OSBPL1A: variants seen among roughly 807,000 people sequenced by gnomAD.
OSBPL1A encodes the protein oxysterol binding protein like 1A, also known as oxysterol-binding protein-related protein 1.
OSBPL1A carries 80 observed loss-of-function variants against 137.1 expected under a neutral mutation model. The ratio of observed to expected loss-of-function variants is 0.58; its 90% CI spans 0.49 to 0.70. OSBPL1A has a LOEUF of 0.70. Ranked by LOEUF, OSBPL1A falls within the 30% of genes least tolerant of loss-of-function variation. The pLI, the probability that OSBPL1A is intolerant of heterozygous loss-of-function variation, is 0.00. For missense variants in OSBPL1A, 970 were observed against 1,129.4 expected (o/e 0.86, Z 2.02); for synonymous variants, 365 against 389.7 (o/e 0.94, Z 0.75).
chr18:24,263,016 C>T lies in OSBPL1A; in HGVS notation c.1281+17826G>A, dbSNP rs1331552535. On this transcript the variant is annotated intron_variant, in intron 15 of 27. Transcript: ENST00000319481. ...TGTACATTTATTCCATGATTTCCAG[C>T]TCCGCTTTTTACATGCCTTCAGCTC... Among the ~76,000 whole-genome samples, 7 of 152,236 alleles carry T rather than the reference C, an allele frequency of 4.6e-5. No homozygotes were observed. In the East Asian group the frequency reaches 1.3e-3, roughly 29 times the overall value.
At chr18:24,266,365 G>A (rs1026865199) in intron 15 of OSBPL1A, among the ~76,000 whole-genome samples, 1 of 152,190 alleles carries the variant, frequency 6.6e-6, no homozygotes, top group Non-Finnish European at 1.5e-5. Flanking sequence ...CCTCTTTGGT[G>A]TTGGGGCCAA....
In OSBPL1A at chr18:24,357,683, G is replaced by C. The variant is rs187824344; in HGVS notation, c.282+9209C>G. 4.6e-5 allele frequency: 7 copies of C among 152,202 alleles called. No individual in the cohort carries two copies. The East Asian group carries it at 7.8e-4, about 17-fold the overall frequency. The allele number at this position is 152,202 out of a possible 1,614,324, so 9.4% of individuals were successfully genotyped here. A position where few individuals can be genotyped will look rare whatever the true frequency, so the allele number is the denominator to read the frequency against. On this transcript the variant is annotated intron_variant, in intron 4 of 27. Coordinates refer to ENST00000319481, the MANE Select transcript of OSBPL1A (RefSeq NM_080597.4). ...CATGCTAACAGAACCAGGAGAAGAGGCTTCTTCTCCACGAGGCTAGGATGT... is the reference window on the plus strand; with the variant it reads ...CATGCTAACAGAACCAGGAGAAGAGCCTTCTTCTCCACGAGGCTAGGATGT...
chr18:24,390,945 C>G (rs1907310576), intron 1 of OSBPL1A, among the ~76,000 whole-genome samples: 1 of 151,852 alleles, frequency 6.6e-6, no homozygotes. Context: ...ACTAAAAACA[C>G]AAAAATTAGC....
chr18:24,288,587 G>A (rs2090113995), intron 14 of OSBPL1A, among the ~76,000 whole-genome samples: 1 of 152,100 alleles, frequency 6.6e-6, no homozygotes, highest in Non-Finnish European at 1.5e-5. Flanking sequence ...GGCCAACATG[G>A]TGAAACCCTG....
intron 2 of OSBPL1A, 116 bp downstream of exon 2, chr18:24,377,297 C>G (rs1279646844): frequency 2.3e-5 from 30 of 1,277,650 alleles, no homozygotes; most frequent in African/African-American, 4.5e-5. Flanking sequence ...TGGGGTTCTT[C>G]CTAGCATGAG....
Position 24,371,201 on chromosome 18 carries a change from C to G in OSBPL1A, c.122-2829G>C, listed in dbSNP as rs1443490613. Among the ~76,000 whole-genome samples, 7 of 152,278 alleles carry G rather than the reference C, an allele frequency of 4.6e-5. No homozygotes were observed. The South Asian group carries it at 6.2e-4, about 14-fold the overall frequency. ...CCAACGGTGAAGAAAAACAACAGAGCCCTGTGGATTTACACACCATAAACT... is the reference window on the plus strand; with the variant it reads ...CCAACGGTGAAGAAAAACAACAGAGGCCTGTGGATTTACACACCATAAACT... On this transcript the variant is annotated intron_variant, in intron 2 of 27. Coordinates refer to ENST00000319481, the MANE Select transcript of OSBPL1A (RefSeq NM_080597.4).
chr18:24,272,349 C>T (rs73392253), intron 15 of OSBPL1A: 131,925 of 929,088 alleles, frequency 0.14, 11,268 homozygotes, highest in African/African-American at 0.38. Flanking sequence ...CTCCGGCTCA[C>T]GCTGAAGCGT....
chr18:24,377,331 G>C, intron 2 of OSBPL1A, 82 bp downstream of exon 2: 1 of 1,442,912 alleles, frequency 6.9e-7, no homozygotes, highest in Non-Finnish European at 9.2e-7. Context: ...TTACATGATA[G>C]ATAAGAAAGG....
At chr18:24,172,327 C>G (rs1271132045) in intron 22 of OSBPL1A, 49 bp downstream of exon 22, 1 of 1,380,386 alleles carries the variant, frequency 7.2e-7, no homozygotes, top group Non-Finnish European at 1.0e-6. Flanking sequence ...TCCACTAAAA[C>G]TGCTTGATGA....
intron 27 of OSBPL1A, among the ~76,000 whole-genome samples, chr18:24,164,277 A>G (rs2086088219): frequency 6.6e-6 from 1 of 152,188 alleles, no homozygotes; most frequent in African/African-American, 2.4e-5. Flanking sequence ...AAAACCCACA[A>G]GATTATCGTC....
At chr18:24,165,183 T>G (rs768014444) in intron 26 of OSBPL1A, 28 bp from the exon 27 acceptor site, 1 of 1,419,588 alleles carries the variant, frequency 7.0e-7, no homozygotes, top group Non-Finnish European at 9.5e-7. Flanking sequence ...ACACAAACCA[T>G]TAACACTCTA....
intron 14 of OSBPL1A, among the ~76,000 whole-genome samples, chr18:24,300,078 AGGCTT>A (rs1568010659): frequency 3.3e-5 from 5 of 152,208 alleles, no homozygotes; most frequent in Admixed American, 1.3e-4. Flanking sequence ...TTTTGCAACC[AGGCTT>A]TTGATAAAGA....
intron 5 of OSBPL1A, among the ~76,000 whole-genome samples, chr18:24,340,185 GA>G (rs1181378048): frequency 6.6e-6 from 1 of 152,164 alleles, no homozygotes; most frequent in Non-Finnish European, 1.5e-5. Flanking sequence ...GCCATTCAAA[GA>G]AAGATCCTAT....
chr18:24,191,599 T>C (rs2086894063), intron 18 of OSBPL1A, among the ~76,000 whole-genome samples: 1 of 152,242 alleles, frequency 6.6e-6, no homozygotes, highest in Admixed American at 6.5e-5. Context: ...AATACTAACA[T>C]TTATAACAAT....
chr18:24,181,234 T>C lies in OSBPL1A; in HGVS notation c.1723A>G (p.Ser575Gly). The change falls in exon 19 of 28, where the codon AGC becomes GGC. Residue 575 changes from serine (S) to glycine (G), a missense_variant. This residue lies in a region of OSBPL1A where 323 missense variants were observed against 456.8 expected (regional missense o/e 0.71). Transcript: ENST00000319481. Reference sequence around the variant, plus strand: ...TATTCAGTTAGGCGCTGTAGGAAGCTCAGAGGCTCATTAAATATAACTGGC... The same window carrying C: ...TATTCAGTTAGGCGCTGTAGGAAGCCCAGAGGCTCATTAAATATAACTGGC... ...TMPVIFNEPLSFLQRLTEYME... is the reference protein window; with the variant it reads ...TMPVIFNEPLGFLQRLTEYME... 1 of 1,614,096 alleles carries C rather than the reference T, an allele frequency of 6.2e-7. No individual in the cohort carries two copies. The highest frequency in any genetic ancestry group is 8.5e-7 in the Non-Finnish European group (1 of 1,179,996).
At chr18:24,175,634 T>A (rs963186417) in intron 21 of OSBPL1A, among the ~76,000 whole-genome samples, 1 of 152,254 alleles carries the variant, frequency 6.6e-6, no homozygotes, top group African/African-American at 2.4e-5. Flanking sequence ...ATAAGGTTTT[T>A]AATTTAATAA....
At chr18:24,392,462 T>C (rs1907425627) in intron 1 of OSBPL1A, among the ~76,000 whole-genome samples, 1 of 152,052 alleles carries the variant, frequency 6.6e-6, no homozygotes, top group Admixed American at 6.6e-5. Flanking sequence ...CCCGGCCCTA[T>C]ACTCTAATAA....
At chr18:24,262,820 T>A (rs547598929) in intron 15 of OSBPL1A, among the ~76,000 whole-genome samples, 1 of 142,626 alleles carries the variant, frequency 7.0e-6, no homozygotes, top group East Asian at 2.0e-4. Flanking sequence ...CTGCTCTGAC[T>A]TCAATAACCA....
chr18:24,279,718 C>G (rs921310918), intron 15 of OSBPL1A, among the ~76,000 whole-genome samples: 12 of 152,100 alleles, frequency 7.9e-5, no homozygotes, highest in African/African-American at 2.9e-4. Context: ...AGGGGAAAAA[C>G]AGCAAAACAA....
Sources: allele counts gnomAD v4.1 joint callset (sites outside exome capture counted in the v4.1 genomes callset), GRCh38; gene constraint gnomAD v4.1.1; regional missense constraint gnomAD v4.1.1; transcripts MANE v1.5; gene names NCBI Gene and HGNC (gene_info 2026-07-23, HGNC 2026-07-21).